PDE10A: variants seen among roughly 807,000 people sequenced by gnomAD.
The protein encoded by PDE10A is cAMP and cAMP-inhibited cGMP 3',5'-cyclic phosphodiesterase 10A.
A neutral mutation model predicts 97.7 loss-of-function variants in PDE10A; 39 were observed. That is an observed-to-expected ratio of 0.40 (90% CI 0.31 to 0.52). PDE10A has a LOEUF of 0.52. Ranked by LOEUF, PDE10A falls within the 20% of genes least tolerant of loss-of-function variation. The pLI, the probability that PDE10A is intolerant of heterozygous loss-of-function variation, is 0.56. For missense variants in PDE10A, 731 were observed against 1,047.8 expected (o/e 0.70, Z 4.17); for synonymous variants, 371 against 376.8 (o/e 0.98, Z 0.18).
At chr6:165,594,712 G>A (rs4476803) in intron 1 of PDE10A, among the ~76,000 whole-genome samples, 147,792 of 152,348 alleles carry the variant, frequency 0.97, 71,839 homozygotes, top group East Asian at 1. Context: ...TCAAAGTATC[G>A]TTCCATGGAT....
At position 165,655,557 on chromosome 6, in the gene PDE10A, G is replaced by A. The variant is rs752359832; in HGVS notation, c.865+6390C>T. 2.7e-4 allele frequency among the ~76,000 whole-genome samples: 41 copies of A among 151,864 alleles called. 1 individual carries two copies. The highest frequency in any genetic ancestry group is 3.2e-4 in the Non-Finnish European group (22 of 67,970). On this transcript the variant is annotated intron_variant, in intron 1 of 21. Transcript: ENST00000539869. This position sits in a 1 kb window ranked among gnomAD's most constrained non-coding sequence, Gnocchi z 4.5. Reference sequence around the variant, plus strand: ...ACCTCCAAACACCTCCTGAACCACCGCGGCATTTTGCTTCTACCATCATCG... The same window carrying A: ...ACCTCCAAACACCTCCTGAACCACCACGGCATTTTGCTTCTACCATCATCG...
At chr6:165,950,910 C>T (rs992157232) in intron 1 of PDE10A, among the ~76,000 whole-genome samples, 2 of 152,176 alleles carry the variant, frequency 1.3e-5, no homozygotes, top group African/African-American at 4.8e-5. Flanking sequence ...GATCTCTCAT[C>T]CTGATTTAAT....
intron 1 of PDE10A, among the ~76,000 whole-genome samples, chr6:165,965,286 T>C (rs962633662): frequency 2.6e-5 from 4 of 152,166 alleles, no homozygotes; most frequent in African/African-American, 7.2e-5. Context: ...TGGCCCCAAG[T>C]TTCCGGGCTG....
At chr6:165,641,205 A>T (rs1017898695) in intron 1 of PDE10A, among the ~76,000 whole-genome samples, 3 of 152,228 alleles carry the variant, frequency 2.0e-5, no homozygotes, top group African/African-American at 7.2e-5. Flanking sequence ...AGAAAAAAAA[A>T]TGTTAAAAGT....
intron 1 of PDE10A, among the ~76,000 whole-genome samples, chr6:165,636,316 CAA>C (rs1491246648): frequency 1.3e-5 from 2 of 152,082 alleles, no homozygotes; most frequent in African/African-American, 2.4e-5. Context: ...CACACACACA[CAA>C]ACACTCTTCA....
chr6:165,390,536 AAG>A lies in PDE10A; in HGVS notation c.2455-2085_2455-2084del, dbSNP rs569890342. 2.2e-3 allele frequency among the ~76,000 whole-genome samples: 332 copies of A among 152,316 alleles called. 1 individual carries two copies. The highest frequency in any genetic ancestry group is 7.7e-3 in the African/African-American group (319 of 41,568). On this transcript the variant is annotated intron_variant, in intron 16 of 21. Transcript: ENST00000539869. ...ACATGCAGATGGCAATGATCCAGAAAAGAGGGGTGAAAGCATGATAATGGAGG... is the reference window on the plus strand; with the variant it reads ...ACATGCAGATGGCAATGATCCAGAAAAGGGGTGAAAGCATGATAATGGAGG...
chr6:165,772,775 CAG>C (rs1169910098), intron 1 of PDE10A, among the ~76,000 whole-genome samples: 1 of 152,026 alleles, frequency 6.6e-6, no homozygotes, highest in African/African-American at 2.4e-5. Flanking sequence ...AAGGAAGAGA[CAG>C]AGTGAAAAAT....
chr6:165,757,435 A>G (rs1793142344), intron 1 of PDE10A, among the ~76,000 whole-genome samples: 1 of 152,278 alleles, frequency 6.6e-6, no homozygotes, highest in Admixed American at 6.5e-5. Flanking sequence ...GAATTTTGAA[A>G]TATACTTAGA....
At position 165,964,620 on chromosome 6, in the gene PDE10A, A is replaced by G. The variant is rs536848783; in HGVS notation, c.-615+22909T>C. On this transcript the variant is annotated intron_variant, in intron 1 of 19. Transcript: ENST00000366882. Reference sequence around the variant, plus strand: ...ACGGAATGCTCCCTATGTGCCAGCGAGCGTCCTAGGCACATGGGAATCAGA... The same window carrying G: ...ACGGAATGCTCCCTATGTGCCAGCGGGCGTCCTAGGCACATGGGAATCAGA... 2.6e-5 allele frequency among the ~76,000 whole-genome samples: 4 copies of G among 152,310 alleles called. No individual in the cohort carries two copies. The South Asian group carries it at 8.3e-4, about 32-fold the overall frequency.
chr6:165,755,026 A>G lies in PDE10A; in HGVS notation c.-614-211458T>C, dbSNP rs1793085670. Among the ~76,000 whole-genome samples, 4 of 152,208 alleles carry G rather than the reference A, an allele frequency of 2.6e-5. No homozygotes were observed. The South Asian group carries it at 8.3e-4, about 32-fold the overall frequency. On this transcript the variant is annotated intron_variant, in intron 1 of 19. Transcript: ENST00000366882. ...TTTCAATAACAAAAGTTTACATTTA[A>G]AACTGAAAAAAAGCCTCAAGTATTA...
At chr6:165,764,878 C>G (rs1213685275) in intron 1 of PDE10A, among the ~76,000 whole-genome samples, 1 of 152,158 alleles carries the variant, frequency 6.6e-6, no homozygotes, top group Admixed American at 6.5e-5. Context: ...CTTATCTGGC[C>G]CCACCCACGT....
intron 3 of PDE10A, among the ~76,000 whole-genome samples, chr6:165,459,159 G>A (rs894528742): frequency 6.6e-6 from 1 of 152,194 alleles, no homozygotes; most frequent in Non-Finnish European, 1.5e-5. Flanking sequence ...ATAATCCGAA[G>A]AAGAGTGAGC....
chr6:165,943,175 A>AAAAGAAAGAAAGAAAG (rs1210872117), intron 1 of PDE10A, among the ~76,000 whole-genome samples: 1 of 68,436 alleles, frequency 1.5e-5, no homozygotes, highest in African/African-American at 7.6e-5. Context: ...AAAGAAAGAA[A>AAAAGAAAGAAAGAAAG]AAAGAAAGAA....
chr6:165,353,066 G>A (rs1364052224), intron 18 of PDE10A, among the ~76,000 whole-genome samples: 3 of 152,112 alleles, frequency 2.0e-5, no homozygotes, highest in Admixed American at 2.0e-4. Context: ...TATATATAAA[G>A]ATGGCAAATA....
chr6:165,823,166 CA>C (rs1312155513), intron 1 of PDE10A, among the ~76,000 whole-genome samples: 1 of 151,746 alleles, frequency 6.6e-6, no homozygotes, highest in Admixed American at 6.6e-5. Flanking sequence ...GGCCCTTGTC[CA>C]AAAGGGTCCA....
intron 1 of PDE10A, among the ~76,000 whole-genome samples, chr6:165,548,252 C>CA (rs1783831482): frequency 7.2e-6 from 1 of 139,392 alleles, no homozygotes; most frequent in African/African-American, 2.6e-5. Flanking sequence ...TTAATTCCAT[C>CA]AAAAATATCC....
At chr6:165,639,046 G>A (rs1172787074) in intron 1 of PDE10A, among the ~76,000 whole-genome samples, 3 of 151,330 alleles carry the variant, frequency 2.0e-5, no homozygotes, top group African/African-American at 7.3e-5. Flanking sequence ...GAAGGAAGGA[G>A]GGAGGGAGGG....
chr6:165,516,199 C>T (rs1367951870), intron 2 of PDE10A, among the ~76,000 whole-genome samples: 3 of 152,092 alleles, frequency 2.0e-5, no homozygotes, highest in South Asian at 2.1e-4. Context: ...ATCTCTTCTC[C>T]GTCTTCCATC....
At chr6:165,543,642 C>T (rs1783581870) in intron 1 of PDE10A, 74 bp from the exon 2 acceptor site, 1 of 1,210,252 alleles carries the variant, frequency 8.3e-7, no homozygotes, top group African/African-American at 1.5e-5. Context: ...AGTATCACAA[C>T]ACATTATGCT....
Sources: gnomAD v4.1 joint callset for allele counts (sites outside exome capture counted in the v4.1 genomes callset) on GRCh38, gnomAD v4.1.1 for gene constraint, Gnocchi (gnomAD v3.1) non-coding constraint, MANE v1.5 for transcripts, NCBI Gene and HGNC (gene_info 2026-07-23, HGNC 2026-07-21) for gene names.